Variants in ZFAND6 observed in about 807,000 individuals in gnomAD.
The protein encoded by ZFAND6 is zinc finger AN1-type containing 6.
ZFAND6 carries 12 observed loss-of-function variants against 24.5 expected under a neutral mutation model. The observed-to-expected ratio is 0.49, with a 90% CI of 0.31 to 0.79. The LOEUF is 0.79. ZFAND6 is among the 30% of genes least tolerant of loss of function. ZFAND6 has a pLI of 0.04. For synonymous variants in ZFAND6, 92 were observed against 81.5 expected, an observed-to-expected ratio of 1.13 and a Z score of -0.69; for missense variants, 207 against 245.9, an observed-to-expected ratio of 0.84 and a Z score of 1.06.
chr15:80,066,820 C>T (rs951905146), intron 1 of ZFAND6, among the ~76,000 whole-genome samples: 2 of 150,470 alleles, frequency 1.3e-5, no homozygotes, highest in African/African-American at 4.9e-5. Flanking sequence ...TCACTTGAAA[C>T]TTAGAGGCGG....
chr15:80,062,551 A>C (rs1030822983), intron 1 of ZFAND6, among the ~76,000 whole-genome samples: 1 of 152,088 alleles, frequency 6.6e-6, no homozygotes, highest in East Asian at 1.9e-4. Context: ...TCATGTATGT[A>C]AGTGTGAATT....
At chr15:80,111,703 G>A in intron 2 of ZFAND6, 1 of 261,072 alleles carries the variant, frequency 3.8e-6, no homozygotes, top group Non-Finnish European at 7.8e-6. Flanking sequence ...TTTGTGCTGT[G>A]GTACTAGTTC....
chr15:80,064,319 CAG>C lies in ZFAND6; in HGVS notation c.-181+4512_-181+4513del, dbSNP rs1052189823. Among the ~76,000 whole-genome samples, 12 of 152,230 alleles carry C rather than the reference CAG, an allele frequency of 7.9e-5. No individual in the cohort carries two copies. In the East Asian group the frequency reaches 2.1e-3, roughly 27 times the overall value. On this transcript the variant is annotated intron_variant, in intron 1 of 6. Transcript: ENST00000261749. ...ATATCAAATTTGACTAAAAATATGACAGAATACACATTTCTTGTATATCTTTA... is the reference window on the plus strand; with the variant it reads ...ATATCAAATTTGACTAAAAATATGACAATACACATTTCTTGTATATCTTTA...
chr15:80,074,075 A>G (rs2037130156), intron 1 of ZFAND6, among the ~76,000 whole-genome samples: 1 of 151,954 alleles, frequency 6.6e-6, no homozygotes, highest in African/African-American at 2.4e-5. Flanking sequence ...AATATGCTTC[A>G]AAGTTTTTCT....
intron 1 of ZFAND6, chr15:80,060,435 T>C (rs777585758): frequency 5.9e-5 from 9 of 152,194 alleles, no homozygotes; most frequent in Non-Finnish European, 7.3e-5. Flanking sequence ...AAGTTTTAGC[T>C]ACCTAAAAAA....
chr15:80,061,471 T>A (rs541692873), intron 1 of ZFAND6, among the ~76,000 whole-genome samples: 70 of 152,296 alleles, frequency 4.6e-4, no homozygotes, highest in South Asian at 1.2e-3. Flanking sequence ...AACTGGAACA[T>A]TACTAAAACT....
At chr15:80,073,024 G>A (rs915421224) in intron 1 of ZFAND6, among the ~76,000 whole-genome samples, 8 of 151,892 alleles carry the variant, frequency 5.3e-5, no homozygotes, top group African/African-American at 1.9e-4. Flanking sequence ...ATGTTAAGTT[G>A]CTGAAAGATA....
intron 1 of ZFAND6, among the ~76,000 whole-genome samples, chr15:80,095,454 A>G (rs1016554761): frequency 1.1e-4 from 16 of 152,218 alleles, no homozygotes; most frequent in African/African-American, 3.6e-4. Context: ...TCTGTAATAC[A>G]TAATTTGTGG....
intron 2 of ZFAND6, among the ~76,000 whole-genome samples, chr15:80,119,738 T>C (rs1434179077): frequency 6.6e-6 from 1 of 152,214 alleles, no homozygotes; most frequent in Admixed American, 6.5e-5. Context: ...CTGGTTCAGA[T>C]AGCAATATTT....
chr15:80,065,891 TTA>T (rs546723187), intron 1 of ZFAND6, among the ~76,000 whole-genome samples: 82 of 152,250 alleles, frequency 5.4e-4, no homozygotes, highest in African/African-American at 1.9e-3. Context: ...TTATAATATT[TTA>T]TGTTTTATAA....
At chr15:80,068,546 A>G (rs925771816) in intron 1 of ZFAND6, among the ~76,000 whole-genome samples, 1 of 152,076 alleles carries the variant, frequency 6.6e-6, no homozygotes, top group African/African-American at 2.4e-5. Flanking sequence ...TAATTTTTGT[A>G]TTTTAAGTAG....
intron 4 of ZFAND6, 136 bp from the exon 5 acceptor site, chr15:80,122,564 T>G: frequency 1.7e-6 from 1 of 592,772 alleles, no homozygotes; most frequent in East Asian, 2.8e-5. Flanking sequence ...TGATTATGTT[T>G]AAGTTATTAA....
At chr15:80,096,999 A>AT (rs766620204) in intron 1 of ZFAND6, among the ~76,000 whole-genome samples, 3,409 of 138,730 alleles carry the variant, frequency 0.025, 63 homozygotes, top group African/African-American at 0.049. Flanking sequence ...AATGTGTTAG[A>AT]TTTTTTTTTT....
intron 1 of ZFAND6, among the ~76,000 whole-genome samples, chr15:80,087,175 G>A (rs973876257): frequency 6.6e-6 from 1 of 152,164 alleles, no homozygotes; most frequent in Non-Finnish European, 1.5e-5. Context: ...TAGAAACCTA[G>A]GAGTGGAATT....
intron 2 of ZFAND6, among the ~76,000 whole-genome samples, chr15:80,111,986 A>T (rs537946934): frequency 6.6e-6 from 1 of 152,332 alleles, no homozygotes; most frequent in East Asian, 1.9e-4. Flanking sequence ...TAGGCCAGGC[A>T]TGGTGACTCA....
chr15:80,085,356 T>C (rs2141873317), intron 1 of ZFAND6, among the ~76,000 whole-genome samples: 1 of 152,360 alleles, frequency 6.6e-6, no homozygotes, highest in South Asian at 2.1e-4. Flanking sequence ...GAACCGTAGC[T>C]GGCACATAGG....
intron 2 of ZFAND6, among the ~76,000 whole-genome samples, chr15:80,107,318 TA>T (rs1269931790): frequency 6.6e-6 from 1 of 152,230 alleles, no homozygotes; most frequent in Non-Finnish European, 1.5e-5. Context: ...GTGATGAATA[TA>T]ATGACTACTA....
intron 1 of ZFAND6, among the ~76,000 whole-genome samples, chr15:80,071,761 A>T (rs1165656599): frequency 2.0e-5 from 3 of 151,318 alleles, no homozygotes; most frequent in Non-Finnish European, 4.4e-5. Context: ...AAAAAAAAAG[A>T]TGAAAAAGAC....
At chr15:80,109,654 G>A (rs1410286250) in intron 2 of ZFAND6, among the ~76,000 whole-genome samples, 1 of 152,152 alleles carries the variant, frequency 6.6e-6, no homozygotes, top group African/African-American at 2.4e-5. Context: ...GTCTTTTAAC[G>A]CTTTGTAAGT....
Sources: allele counts gnomAD v4.1 joint callset (sites outside exome capture counted in the v4.1 genomes callset), GRCh38; gene constraint gnomAD v4.1.1; transcripts MANE v1.5; gene names NCBI Gene and HGNC (gene_info 2026-07-23, HGNC 2026-07-21).